POLQ: variants seen among roughly 807,000 people sequenced by gnomAD.
POLQ encodes the protein epididymis secretory sperm binding protein.
In POLQ, 233 loss-of-function variants were observed where a neutral mutation model predicts 259.2. That is an observed-to-expected ratio of 0.90 (90% CI 0.81 to 1.00). The LOEUF is 1.00. Among genes scored for constraint, POLQ ranks in the 50% least tolerant of loss-of-function variants. The pLI is 0.00. For synonymous variants in POLQ, 1,025 were observed against 1,048.8 expected (o/e 0.98, Z 0.44); for missense variants, 2,871 against 3,051.6 (o/e 0.94, Z 1.39).
intron 8 of POLQ, among the ~76,000 whole-genome samples, chr3:121,520,320 G>C (rs1165458257): frequency 6.6e-6 from 1 of 152,124 alleles, no homozygotes; most frequent in African/African-American, 2.4e-5. Context: ...TGGATCGCTT[G>C]AGGTCAGGAG....
At chr3:121,484,890 C>T in intron 17 of POLQ, 151 bp downstream of exon 17, 1 of 589,590 alleles carries the variant, frequency 1.7e-6, no homozygotes. Context: ...AAAAGAGTGA[C>T]ATTCTGTCTC....
chr3:121,545,870 A>T lies in POLQ; in HGVS notation c.8T>A (p.Leu3His). Reference protein sequence around the residue: MNLLRRSGKRRRS... With the variant: MNHLRRSGKRRRS... ...CCGCCGTTTCCCACTCCGACGCAGA[A>T]GATTCATGGCAAACTCTTCTCGGCC... Residue 3 changes from leucine (L) to histidine (H), a missense_variant, in exon 1 of 30, where the codon CTT becomes CAT. Transcript: ENST00000264233. The T allele has an allele frequency of 6.2e-7, 1 of 1,613,886 alleles. No individual in the cohort carries two copies. Among genetic ancestry groups the T allele is most frequent in the Middle Eastern group, 1.6e-4 (1 of 6,062 alleles).
Position 121,483,483 on chromosome 3 carries a change from T to G in POLQ, c.5873A>C (p.Lys1958Thr), listed in dbSNP as rs779288045. Residue 1958 changes from lysine (K) to threonine (T), a missense_variant, in exon 18 of 30, where the codon AAA becomes ACA. Around this residue, in one of 3 missense-constraint regions of POLQ, gnomAD observed 2,080 missense variants for 2,126.0 expected, o/e 0.98. Coordinates refer to ENST00000264233, the MANE Select transcript of POLQ (RefSeq NM_199420.4). Reference sequence around the variant, plus strand: ...GTCATAGATGACAACAGAACATTCTTTATCAGATTCCTTTCGCAAGCAAGA... The same window carrying G: ...GTCATAGATGACAACAGAACATTCTGTATCAGATTCCTTTCGCAAGCAAGA... Reference protein sequence around the residue: ...LQSCLRKESDKECSVVIYDFI... With the variant: ...LQSCLRKESDTECSVVIYDFI... 4 of 1,609,284 alleles carry G rather than the reference T, an allele frequency of 2.5e-6. No homozygotes were observed. The highest frequency in any genetic ancestry group is 3.4e-6 in the Non-Finnish European group (4 of 1,178,206).
intron 25 of POLQ, among the ~76,000 whole-genome samples, chr3:121,451,660 G>A (rs2047678355): frequency 1.3e-5 from 2 of 152,208 alleles, no homozygotes; most frequent in Admixed American, 1.3e-4. Flanking sequence ...CTTTGTCTCA[G>A]AGGGGTAACT....
intron 24 of POLQ, among the ~76,000 whole-genome samples, chr3:121,465,315 G>A (rs1190457080): frequency 2.6e-5 from 4 of 152,008 alleles, no homozygotes; most frequent in Non-Finnish European, 4.4e-5. Flanking sequence ...TGGTCATGAA[G>A]TCCTGGACTC....
At chr3:121,453,451 G>A (rs551508532) in intron 25 of POLQ, among the ~76,000 whole-genome samples, 3 of 152,318 alleles carry the variant, frequency 2.0e-5, no homozygotes, top group African/African-American at 7.2e-5. Context: ...CGAGCTACAG[G>A]AGGAAATTCA....
chr3:121,493,578 T>C lies in POLQ; in HGVS notation c.2422A>G (p.Arg808Gly). Residue 808 changes from arginine to glycine, a missense_variant, in exon 15 of 30, where the codon AGG becomes GGG. Coordinates refer to ENST00000264233, the MANE Select transcript of POLQ (RefSeq NM_199420.4). ...RVSLLNAQRA[R>G]VLYASGFHTV... ...TGAAAGCCAGAAGCATAGAGAACCC[T>C]GGCTCTCTGAGCATTTAGTAAGGAT... is the stretch of plus-strand genomic sequence containing the variant. The C allele has an allele frequency of 6.2e-7, 1 of 1,613,886 alleles. No individual in the cohort carries two copies. Among genetic ancestry groups the C allele is most frequent in the Non-Finnish European group, 8.5e-7 (1 of 1,179,772 alleles).
chr3:121,459,011 T>C (rs1415765570), intron 25 of POLQ, among the ~76,000 whole-genome samples: 1 of 152,200 alleles, frequency 6.6e-6, no homozygotes, highest in African/African-American at 2.4e-5. Context: ...GTCTTGCAAA[T>C]GGCATCAGAT....
chr3:121,518,227 T>A (rs1298476598), intron 9 of POLQ, among the ~76,000 whole-genome samples: 1 of 152,226 alleles, frequency 6.6e-6, no homozygotes, highest in Non-Finnish European at 1.5e-5. Flanking sequence ...TAAAGAAAAC[T>A]TATCACATAT....
intron 26 of POLQ, among the ~76,000 whole-genome samples, chr3:121,445,364 G>A (rs2047624101): frequency 6.6e-6 from 1 of 152,092 alleles, no homozygotes; most frequent in Admixed American, 6.6e-5. Context: ...TTGGCAGGTT[G>A]TATGTGTCTA....
At chr3:121,517,977 C>G (rs1372913144) in intron 9 of POLQ, among the ~76,000 whole-genome samples, 1 of 152,124 alleles carries the variant, frequency 6.6e-6, no homozygotes, top group Non-Finnish European at 1.5e-5. Flanking sequence ...CAATAAATTA[C>G]GGTCAATTTT....
chr3:121,457,653 A>T (rs1390175043), intron 25 of POLQ, among the ~76,000 whole-genome samples: 1 of 152,242 alleles, frequency 6.6e-6, no homozygotes, highest in South Asian at 2.1e-4. Flanking sequence ...ATCACTGGCC[A>T]TCAGAGAAAT....
At chr3:121,459,048 T>C (rs900709638) in intron 25 of POLQ, among the ~76,000 whole-genome samples, 1 of 152,340 alleles carries the variant, frequency 6.6e-6, no homozygotes, top group Non-Finnish European at 1.5e-5. Context: ...GGTAAGAAAG[T>C]ATCAGTGTTA....
At chr3:121,496,995 G>A (rs573370654) in intron 13 of POLQ, 63 bp from the exon 14 acceptor site, 4 of 1,548,480 alleles carry the variant, frequency 2.6e-6, no homozygotes, top group East Asian at 2.3e-5. Flanking sequence ...GATACAGTGT[G>A]TTGAAAAATG....
intron 25 of POLQ, among the ~76,000 whole-genome samples, chr3:121,454,569 C>A (rs2047713965): frequency 6.6e-6 from 1 of 152,088 alleles, no homozygotes; most frequent in African/African-American, 2.4e-5. Flanking sequence ...CAAAAAAAAG[C>A]AGGGGTTGCA....
chr3:121,450,105 C>A (rs1205238050), intron 25 of POLQ, among the ~76,000 whole-genome samples: 3 of 152,122 alleles, frequency 2.0e-5, no homozygotes, highest in African/African-American at 4.8e-5. Context: ...AGTCACTTAA[C>A]CAATTTGTAT....
intron 29 of POLQ, 110 bp from the exon 30 acceptor site, chr3:121,432,527 T>C: frequency 1.0e-6 from 1 of 994,906 alleles, no homozygotes; most frequent in South Asian, 1.9e-5. Context: ...CAATGGTGCT[T>C]AAAATGCTAA....
intron 12 of POLQ, among the ~76,000 whole-genome samples, chr3:121,507,704 G>A (rs933777824): frequency 2.6e-5 from 4 of 152,060 alleles, no homozygotes; most frequent in African/African-American, 9.7e-5. Context: ...TCCAGCCTGG[G>A]CAACAGAGTG....
intron 29 of POLQ, 49 bp from the exon 30 acceptor site, chr3:121,432,466 T>C: frequency 6.4e-7 from 1 of 1,573,544 alleles, no homozygotes; most frequent in Non-Finnish European, 8.6e-7. Flanking sequence ...CAAAGAATGT[T>C]TCCCAAACCA....
Sources: gnomAD v4.1 joint callset for allele counts (sites outside exome capture counted in the v4.1 genomes callset) on GRCh38, gnomAD v4.1.1 for gene constraint, gnomAD v4.1.1 regional missense constraint, MANE v1.5 for transcripts, NCBI Gene and HGNC (gene_info 2026-07-23, HGNC 2026-07-21) for gene names.